Variants in GLS observed in about 807,000 individuals in gnomAD.
GLS encodes glutaminase.
In GLS, 36 loss-of-function variants were observed where a neutral mutation model predicts 86.7. The observed-to-expected ratio is 0.42, with a 90% CI of 0.32 to 0.55. The LOEUF (loss-of-function observed/expected upper bound fraction) is 0.55, where lower values mean the gene tolerates loss of function less well. GLS is among the 20% of genes least tolerant of loss of function. GLS has a pLI of 0.17. For missense variants in GLS, 528 were observed against 833.4 expected (o/e 0.63, Z 4.51); for synonymous variants, 317 against 305.9 (o/e 1.04, Z -0.38).
chr2:190,960,359 ATT>A (rs770419477), intron 17 of GLS, among the ~76,000 whole-genome samples: 27 of 101,476 alleles, frequency 2.7e-4, no homozygotes, highest in African/African-American at 6.7e-4. Flanking sequence ...TTAAGCTTCA[ATT>A]TTTTTTTTTT....
At chr2:190,893,253 C>T (rs922729021) in intron 1 of GLS, among the ~76,000 whole-genome samples, 1 of 152,128 alleles carries the variant, frequency 6.6e-6, no homozygotes, top group Non-Finnish European at 1.5e-5. Flanking sequence ...TAATAACAAG[C>T]TAGTAAGTTA....
In GLS at chr2:190,897,227, G is replaced by A. The variant is rs770193847; in HGVS notation, c.605+1502G>A. The stretch of plus-strand genomic sequence containing the variant: ...TTTTAGTGAGACGGGGTTTCACCAC[G>A]TTGTCCAGGCTGGTCTCGAACTCCT... On this transcript the variant is annotated intron_variant, in intron 3 of 17. Transcript: ENST00000320717. The surrounding 1 kb of genome is among the most constrained non-coding windows in gnomAD (Gnocchi z 4.3). 6.6e-6 allele frequency among the ~76,000 whole-genome samples: 1 copy of A among 151,986 alleles called. No individual in the cohort carries two copies. The highest frequency in any genetic ancestry group is 1.5e-5 in the Non-Finnish European group (1 of 67,992).
chr2:190,924,130 G>C lies in GLS; in HGVS notation c.1197+147G>C, dbSNP rs971707215. On this transcript the variant is annotated intron_variant, in intron 10 of 17. Transcript: ENST00000320717. The surrounding 1 kb of genome is among the most constrained non-coding windows in gnomAD (Gnocchi z 5.2). Reference sequence around the variant, plus strand: ...GTTTTTGCAGAGTGCTCGTGAGTCAGTGTTATCAAATTGTTAATGTTATTG... The same window carrying C: ...GTTTTTGCAGAGTGCTCGTGAGTCACTGTTATCAAATTGTTAATGTTATTG... 1 of 586,620 alleles carries C rather than the reference G, an allele frequency of 1.7e-6. No homozygotes were observed. Among genetic ancestry groups the C allele is most frequent in the African/African-American group, 1.9e-5 (1 of 52,090 alleles). The allele number at this position is 586,620 out of a possible 1,614,324, so 36.3% of individuals were successfully genotyped here.
chr2:190,909,612 T>A (rs373441769), intron 6 of GLS, among the ~76,000 whole-genome samples: 4 of 152,318 alleles, frequency 2.6e-5, no homozygotes, highest in East Asian at 3.9e-4. Context: ...ATCAGTTGAG[T>A]TTTGAAATTC....
chr2:190,894,805 G>A (rs184252625), intron 1 of GLS, among the ~76,000 whole-genome samples: 188 of 152,218 alleles, frequency 1.2e-3, no homozygotes, highest in African/African-American at 4.2e-3. Flanking sequence ...GAGTCTTATC[G>A]GAACGTTTGC....
At position 190,963,763 on chromosome 2, in the gene GLS, G is replaced by T. The variant is rs1558999063; in HGVS notation, c.*777G>T. On this transcript the variant is annotated 3_prime_UTR_variant, in exon 18 of 18. Transcript: ENST00000320717. The stretch of plus-strand genomic sequence containing the variant: ...TTTTTATGTTTTCCATAGTAAGTCA[G>T]AAAATGCCTCCTATTTCTGGCATCA... 6.6e-6 allele frequency: 1 copy of T among 152,486 alleles called. No individual in the cohort carries two copies. Among genetic ancestry groups the T allele is most frequent in the African/African-American group, 2.4e-5 (1 of 41,432 alleles). 9.4% of individuals were successfully genotyped at this position (152,486 alleles called of 1,614,324 possible).
chr2:190,945,219 C>T (rs1052580189), intron 14 of GLS, among the ~76,000 whole-genome samples: 49 of 152,066 alleles, frequency 3.2e-4, no homozygotes, highest in African/African-American at 1.1e-3. Flanking sequence ...TTAGCTGAGT[C>T]GAGAGAGTAG....
chr2:190,959,519 T>C (rs150805509), intron 17 of GLS, among the ~76,000 whole-genome samples: 7 of 152,364 alleles, frequency 4.6e-5, no homozygotes, highest in African/African-American at 1.7e-4. Flanking sequence ...ATAGTGTCAA[T>C]GGTCTTTACA....
intron 1 of GLS, among the ~76,000 whole-genome samples, chr2:190,893,883 C>T (rs1461809809): frequency 6.6e-6 from 1 of 152,180 alleles, no homozygotes; most frequent in Non-Finnish European, 1.5e-5. Context: ...CCACGCCCAG[C>T]TTCAAATGCA....
chr2:190,946,363 A>T (rs1690577222), intron 14 of GLS, among the ~76,000 whole-genome samples: 1 of 152,176 alleles, frequency 6.6e-6, no homozygotes, highest in Non-Finnish European at 1.5e-5. Context: ...ACAAAATTGG[A>T]TCTGGAGTCA....
chr2:190,930,114 TGG>T lies in GLS; in HGVS notation c.1426-322_1426-321del, dbSNP rs1690057362. 6.6e-6 allele frequency among the ~76,000 whole-genome samples: 1 copy of T among 151,926 alleles called. No homozygotes were observed. The highest frequency in any genetic ancestry group is 2.1e-4 in the South Asian group (1 of 4,810). Reference sequence around the variant, plus strand: ...CTGGATCTTGCTCTGTCATCCAGGCTGGAGTGCAGTGGTGCGATCATGGCTCA... The same window carrying T: ...CTGGATCTTGCTCTGTCATCCAGGCTAGTGCAGTGGTGCGATCATGGCTCA... On this transcript the variant is annotated intron_variant, in intron 12 of 17. Coordinates refer to ENST00000320717, the MANE Select transcript of GLS (RefSeq NM_014905.5). The surrounding 1 kb of genome is among the most constrained non-coding windows in gnomAD (Gnocchi z 5.0).
rs13035504 is a variant in GLS at position 190,964,627 on chromosome 2, C to G, written c.*1641C>G. On this transcript the variant is annotated 3_prime_UTR_variant, in exon 18 of 18. Transcript: ENST00000320717. The surrounding 1 kb of genome is among the most constrained non-coding windows in gnomAD (Gnocchi z 5.2). Reference sequence around the variant, plus strand: ...CAATGTTCCTTAGCTGCACCAGGCCCGAAGCTGTTCCCATGCTTGAGCTTC... The same window carrying G: ...CAATGTTCCTTAGCTGCACCAGGCCGGAAGCTGTTCCCATGCTTGAGCTTC... 18,201 of 152,146 alleles carry G rather than the reference C, an allele frequency of 0.12. 1,241 individuals are homozygous for G. Among genetic ancestry groups the G allele is most frequent in the Middle Eastern group, 0.17 (50 of 296 alleles). 9.4% of individuals were successfully genotyped at this position (152,146 alleles called of 1,614,324 possible).
At chr2:190,927,601 G>T (rs547604640) in intron 12 of GLS, 119 bp downstream of exon 12, 3 of 657,682 alleles carry the variant, frequency 4.6e-6, no homozygotes, top group East Asian at 5.8e-5. Flanking sequence ...AGAGAGGCTT[G>T]TTTTCAAGGT....
rs1166368012 is a variant in GLS at position 190,962,617 on chromosome 2, T to C, written c.1854-213T>C. ...TAAACAAGATCCTTTCACAGATCTT[T>C]TTCTCTTCCTCTCCATATCCCAACT... On this transcript the variant is annotated intron_variant, in intron 17 of 17. Coordinates refer to ENST00000320717, the MANE Select transcript of GLS (RefSeq NM_014905.5). The surrounding 1 kb of genome is among the most constrained non-coding windows in gnomAD (Gnocchi z 4.2). Among the ~76,000 whole-genome samples, 4 of 152,208 alleles carry C rather than the reference T, an allele frequency of 2.6e-5. No individual in the cohort carries two copies. Among genetic ancestry groups the C allele is most frequent in the African/African-American group, 9.7e-5 (4 of 41,448 alleles).
At chr2:190,919,999 G>A (rs929608401) in intron 7 of GLS, 2 of 151,908 alleles carry the variant, frequency 1.3e-5, no homozygotes, top group Admixed American at 1.3e-4. Flanking sequence ...TGTAAAGAAT[G>A]AACCTGGCTT....
At chr2:190,912,094 A>G (rs576429828) in intron 7 of GLS, among the ~76,000 whole-genome samples, 34 of 152,260 alleles carry the variant, frequency 2.2e-4, no homozygotes, top group African/African-American at 7.7e-4. Flanking sequence ...GTCATAAACT[A>G]TACATTGAGC....
rs571926062 is a variant in GLS at position 190,956,153 on chromosome 2, T to C, written c.1853+1335T>C. Among the ~76,000 whole-genome samples, 3 of 152,336 alleles carry C rather than the reference T, an allele frequency of 2.0e-5. No homozygotes were observed. The South Asian group carries it at 6.2e-4, about 32-fold the overall frequency. ...AGATCCCATTTATCAATTTTGGCTT[T>C]TGTTGCCATTGCTTTTGGTGTTTTG... is the stretch of plus-strand genomic sequence containing the variant. On this transcript the variant is annotated intron_variant, in intron 17 of 17. Coordinates refer to ENST00000320717, the MANE Select transcript of GLS (RefSeq NM_014905.5). The surrounding 1 kb of genome is among the most constrained non-coding windows in gnomAD (Gnocchi z 4.2).
At chr2:190,936,568 G>T (rs1236801506) in intron 14 of GLS, among the ~76,000 whole-genome samples, 1 of 150,806 alleles carries the variant, frequency 6.6e-6, no homozygotes, top group Non-Finnish European at 1.5e-5. Flanking sequence ...TCTTCAATTT[G>T]ACTTTAAAGA....
chr2:190,890,110 G>A (rs1046572089), intron 1 of GLS, among the ~76,000 whole-genome samples: 1 of 152,060 alleles, frequency 6.6e-6, no homozygotes, highest in Non-Finnish European at 1.5e-5. Context: ...TAAGATTTAT[G>A]TGACATTGGA....
Sources: gnomAD v4.1 joint callset for allele counts (sites outside exome capture counted in the v4.1 genomes callset) on GRCh38, gnomAD v4.1.1 for gene constraint, Gnocchi (gnomAD v3.1) non-coding constraint, MANE v1.5 for transcripts, NCBI Gene and HGNC (gene_info 2026-07-23, HGNC 2026-07-21) for gene names.